The following ZNF827 variants were observed in gnomAD, a reference collection of about 807,000 sequenced individuals.
The protein encoded by ZNF827 is zinc finger protein 827.
A neutral mutation model predicts 102.4 loss-of-function variants in ZNF827; 13 were observed. That is an observed-to-expected ratio of 0.13 (90% CI 0.08 to 0.20). The LOEUF is 0.20. Among genes scored for constraint, ZNF827 ranks in the 10% least tolerant of loss-of-function variants. The pLI, the probability that ZNF827 is intolerant of heterozygous loss-of-function variation, is 1.00. For synonymous variants in ZNF827, 523 were observed against 536.2 expected (o/e 0.98, Z 0.34); for missense variants, 1,103 against 1,344.4 (o/e 0.82, Z 2.81).
intron 4 of ZNF827, among the ~76,000 whole-genome samples, chr4:145,878,081 T>C (rs1198711431): frequency 6.6e-6 from 1 of 152,208 alleles, no homozygotes; most frequent in Admixed American, 6.5e-5. Flanking sequence ...TACTTGTCAT[T>C]TTAAATTAAT....
At chr4:145,826,950 T>C (rs999221215) in intron 7 of ZNF827, among the ~76,000 whole-genome samples, 1 of 152,168 alleles carries the variant, frequency 6.6e-6, no homozygotes, top group African/African-American at 2.4e-5. Context: ...TTTTGCCTTG[T>C]TGGCCAGGCT....
chr4:145,776,850 C>T (rs549160473), intron 9 of ZNF827, among the ~76,000 whole-genome samples: 211 of 152,308 alleles, frequency 1.4e-3, no homozygotes, highest in Non-Finnish European at 2.6e-3. Flanking sequence ...CAATTAACTT[C>T]TTAATGGAAA....
In ZNF827 at chr4:145,762,632, T is replaced by A. The variant is rs1003688576; in HGVS notation, c.*17+458A>T. ...CAGGCTGGAGCTGGACACCCTAGCC[T>A]GGGCCTCTCTGTGGCTCGGTTTCTC... is the stretch of plus-strand genomic sequence containing the variant. On this transcript the variant is annotated intron_variant, in intron 14 of 14. Transcript: ENST00000508784. This position sits in a 1 kb window ranked among gnomAD's most constrained non-coding sequence, Gnocchi z 4.9. Among the ~76,000 whole-genome samples, 3 of 152,090 alleles carry A rather than the reference T, an allele frequency of 2.0e-5. No homozygotes were observed. The highest frequency in any genetic ancestry group is 7.2e-5 in the African/African-American group (3 of 41,408).
intron 1 of ZNF827, among the ~76,000 whole-genome samples, chr4:145,915,740 G>A (rs947376601): frequency 2.6e-5 from 4 of 152,020 alleles, no homozygotes; most frequent in East Asian, 3.9e-4. Context: ...AAATCCAAAC[G>A]TCCAGAGTCT....
intron 5 of ZNF827, among the ~76,000 whole-genome samples, chr4:145,850,647 G>A (rs1560997638): frequency 6.6e-6 from 1 of 152,112 alleles, no homozygotes; most frequent in Non-Finnish European, 1.5e-5. Flanking sequence ...GAAACAAGGT[G>A]GGACAATTAG....
At chr4:145,867,247 G>C (rs966236857) in intron 5 of ZNF827, among the ~76,000 whole-genome samples, 2 of 152,136 alleles carry the variant, frequency 1.3e-5, no homozygotes, top group African/African-American at 4.8e-5. Context: ...AATAGAACTC[G>C]AACCACAGGA....
intron 8 of ZNF827, among the ~76,000 whole-genome samples, chr4:145,782,898 TA>T (rs1333011485): frequency 2.0e-5 from 3 of 152,198 alleles, no homozygotes; most frequent in Non-Finnish European, 4.4e-5. Flanking sequence ...TTCTGTACAA[TA>T]AACTCAGACT....
chr4:145,768,784 T>TGGA (rs1362621233), intron 11 of ZNF827, among the ~76,000 whole-genome samples: 1 of 130,916 alleles, frequency 7.6e-6, no homozygotes, highest in African/African-American at 3.0e-5. Flanking sequence ...CTTGAACCCA[T>TGGA]GGAGGCGGAG....
chr4:145,885,640 GA>G lies in ZNF827; in HGVS notation c.1747+37del. ...AGAGAGAGAGAGAGAGAGAGAGAGA[GA>G]GAGAGAGAGAGAGAGAATACAACCC... On this transcript the variant is annotated intron_variant, in intron 4 of 14. Coordinates refer to ENST00000508784, the MANE Select transcript of ZNF827 (RefSeq NM_001306215.2). 11 of 1,500,586 alleles carry G rather than the reference GA, an allele frequency of 7.3e-6. No individual in the cohort carries two copies. The South Asian group carries it at 1.4e-4, about 19-fold the overall frequency. 93.0% of individuals were successfully genotyped at this position (1,500,586 alleles called of 1,614,324 possible). A position where few individuals can be genotyped will look rare whatever the true frequency, so the allele number is the denominator to read the frequency against.
chr4:145,875,439 A>G (rs1240975792), intron 4 of ZNF827, among the ~76,000 whole-genome samples: 1 of 152,230 alleles, frequency 6.6e-6, no homozygotes, highest in Non-Finnish European at 1.5e-5. Flanking sequence ...TAAAAGGGAC[A>G]CTATCCTCAG....
intron 7 of ZNF827, chr4:145,835,101 C>G (rs1047465775): frequency 6.6e-6 from 1 of 152,210 alleles, no homozygotes; most frequent in African/African-American, 2.4e-5. Flanking sequence ...GTGTGGGACC[C>G]CACTGAAAAT....
At chr4:145,840,878 A>G (rs1296201939) in intron 7 of ZNF827, among the ~76,000 whole-genome samples, 1 of 152,228 alleles carries the variant, frequency 6.6e-6, no homozygotes, top group Non-Finnish European at 1.5e-5. Context: ...TTTAGTAAAC[A>G]CTATGTGCCA....
At chr4:145,907,265 G>A in intron 1 of ZNF827, 1 of 453,834 alleles carries the variant, frequency 2.2e-6, no homozygotes, top group South Asian at 1.6e-5. Context: ...TAATGGAGGA[G>A]TTCTTGAATG....
At chr4:145,893,159 A>T (rs1750736333) in intron 2 of ZNF827, among the ~76,000 whole-genome samples, 1 of 152,224 alleles carries the variant, frequency 6.6e-6, no homozygotes, top group Non-Finnish European at 1.5e-5. Flanking sequence ...GCCACCACAA[A>T]TGCTCCAATC....
chr4:145,845,237 C>T (rs1045451656), intron 7 of ZNF827, among the ~76,000 whole-genome samples: 6 of 152,130 alleles, frequency 3.9e-5, no homozygotes, highest in South Asian at 2.1e-4. Context: ...TCACCTACAA[C>T]GTTTCAGGTT....
chr4:145,915,170 G>C (rs563713162), intron 1 of ZNF827, among the ~76,000 whole-genome samples: 1 of 152,162 alleles, frequency 6.6e-6, no homozygotes, highest in African/African-American at 2.4e-5. Context: ...TCTCTTGGCC[G>C]GGTGTGGTAG....
intron 8 of ZNF827, among the ~76,000 whole-genome samples, chr4:145,801,107 A>G (rs937164049): frequency 6.6e-6 from 1 of 152,210 alleles, no homozygotes; most frequent in African/African-American, 2.4e-5. Context: ...TTTAACTATT[A>G]GTCCAACTTC....
intron 8 of ZNF827, among the ~76,000 whole-genome samples, chr4:145,796,170 G>C (rs562316157): frequency 4.8e-4 from 73 of 152,312 alleles, no homozygotes; most frequent in Non-Finnish European, 9.1e-4. Context: ...TTGGAACTAC[G>C]GAGGGAAGAA....
chr4:145,818,436 G>A (rs1006707889), intron 8 of ZNF827, among the ~76,000 whole-genome samples: 2 of 152,204 alleles, frequency 1.3e-5, no homozygotes, highest in African/African-American at 4.8e-5. Flanking sequence ...GATGACATAT[G>A]TCCTGTGCCT....
Sources: allele counts gnomAD v4.1 joint callset (sites outside exome capture counted in the v4.1 genomes callset), GRCh38; gene constraint gnomAD v4.1.1; non-coding constraint Gnocchi (gnomAD v3.1); transcripts MANE v1.5; gene names NCBI Gene and HGNC (gene_info 2026-07-23, HGNC 2026-07-21).